Variants in DSCAM observed in about 807,000 individuals in gnomAD.
DSCAM encodes the protein DS cell adhesion molecule.
DSCAM carries 47 observed loss-of-function variants against 217.7 expected under a neutral mutation model. The observed-to-expected ratio is 0.22, with a 90% CI of 0.17 to 0.28. DSCAM has a LOEUF of 0.28. Ranked by LOEUF, DSCAM falls within the 10% of genes least tolerant of loss-of-function variation. The pLI, the probability that DSCAM is intolerant of heterozygous loss-of-function variation, is 1.00. For synonymous variants in DSCAM, 1,056 were observed against 1,015.3 expected (o/e 1.04, Z -0.76); for missense variants, 2,080 against 2,618.3 (o/e 0.79, Z 4.49).
chr21:40,374,977 C>T (rs1350635035), intron 3 of DSCAM, among the ~76,000 whole-genome samples: 2 of 152,172 alleles, frequency 1.3e-5, no homozygotes, highest in Non-Finnish European at 2.9e-5. Flanking sequence ...GTCTTTTCCA[C>T]AGTAGAAATG....
intron 8 of DSCAM, among the ~76,000 whole-genome samples, chr21:40,330,274 T>C (rs1047655317): frequency 2.0e-5 from 3 of 147,644 alleles, no homozygotes; most frequent in Non-Finnish European, 4.5e-5. Context: ...TATATCAAAA[T>C]ATATTTATTA....
chr21:40,084,050 C>T, intron 23 of DSCAM, 44 bp from the exon 24 acceptor site: 2 of 1,499,608 alleles, frequency 1.3e-6, no homozygotes, highest in South Asian at 1.2e-5. Flanking sequence ...TAGTTTTTCA[C>T]ATCTTTAACT....
Position 40,553,675 on chromosome 21 carries a change from A to T in DSCAM, c.508+139135T>A, listed in dbSNP as rs541219512. Among the ~76,000 whole-genome samples, 18 of 152,334 alleles carry T rather than the reference A, an allele frequency of 1.2e-4. No homozygotes were observed. The South Asian group carries it at 3.7e-3, about 32-fold the overall frequency. On this transcript the variant is annotated intron_variant, in intron 3 of 32. Transcript: ENST00000400454. ...ATGCTTCTCACTCTTCATTCCCAAG[A>T]TAACACATCCGTTTGCACCCAAAAG...
chr21:40,384,267 G>A (rs1020828835), intron 3 of DSCAM: 3 of 152,386 alleles, frequency 2.0e-5, no homozygotes, highest in African/African-American at 7.2e-5. Context: ...TTAAAACAGA[G>A]AATGCTGAGA....
intron 8 of DSCAM, among the ~76,000 whole-genome samples, chr21:40,333,854 C>A (rs960721234): frequency 2.0e-5 from 3 of 152,124 alleles, no homozygotes; most frequent in Admixed American, 6.5e-5. Flanking sequence ...CACACCTAGG[C>A]CTCCCAAGTA....
chr21:40,577,773 A>C (rs1302068552), intron 3 of DSCAM, among the ~76,000 whole-genome samples: 2 of 152,208 alleles, frequency 1.3e-5, no homozygotes, highest in Admixed American at 1.3e-4. Context: ...ATTACAGGAA[A>C]GTAAACAGTT....
At chr21:40,381,433 C>A (rs1182027528) in intron 3 of DSCAM, among the ~76,000 whole-genome samples, 1 of 152,156 alleles carries the variant, frequency 6.6e-6, no homozygotes, top group East Asian at 1.9e-4. Context: ...ATGTGTATTT[C>A]AGGTTGACTG....
At chr21:40,800,956 C>A (rs2091734897) in intron 1 of DSCAM, among the ~76,000 whole-genome samples, 1 of 127,758 alleles carries the variant, frequency 7.8e-6, no homozygotes, top group Non-Finnish European at 1.8e-5. Context: ...TTCTTTCTTT[C>A]TTCTCCTTTT....
chr21:40,196,345 T>C (rs762745045), intron 11 of DSCAM, among the ~76,000 whole-genome samples: 1 of 152,110 alleles, frequency 6.6e-6, no homozygotes, highest in Non-Finnish European at 1.5e-5. Flanking sequence ...AGGAGCTGAA[T>C]GGGATCACGG....
chr21:40,165,187 C>T (rs914787353), intron 16 of DSCAM, among the ~76,000 whole-genome samples: 1 of 152,182 alleles, frequency 6.6e-6, no homozygotes, highest in African/African-American at 2.4e-5. Flanking sequence ...TTTCTTTCTC[C>T]TTACACAAAA....
At chr21:40,210,864 C>G (rs1055574540) in intron 11 of DSCAM, among the ~76,000 whole-genome samples, 1 of 152,254 alleles carries the variant, frequency 6.6e-6, no homozygotes, top group South Asian at 2.1e-4. Flanking sequence ...ATTTTTAACC[C>G]ACATTCATTT....
chr21:40,523,719 T>G (rs1187721323), intron 3 of DSCAM, among the ~76,000 whole-genome samples: 1 of 152,188 alleles, frequency 6.6e-6, no homozygotes, highest in African/African-American at 2.4e-5. Flanking sequence ...TCTGTCTTTG[T>G]GATAAGGCAG....
intron 3 of DSCAM, among the ~76,000 whole-genome samples, chr21:40,414,228 T>A (rs1315722080): frequency 1.3e-5 from 2 of 152,150 alleles, no homozygotes; most frequent in Non-Finnish European, 2.9e-5. Flanking sequence ...ACAAAACATA[T>A]ATATGATAAG....
At chr21:40,426,065 T>C (rs906584210) in intron 3 of DSCAM, among the ~76,000 whole-genome samples, 1 of 152,192 alleles carries the variant, frequency 6.6e-6, no homozygotes, top group African/African-American at 2.4e-5. Context: ...TGAACACACA[T>C]GGATTGGGGT....
At chr21:40,279,381 T>C (rs2073729769) in intron 10 of DSCAM, among the ~76,000 whole-genome samples, 1 of 152,114 alleles carries the variant, frequency 6.6e-6, no homozygotes, top group South Asian at 2.1e-4. Flanking sequence ...AAAAAGCTCA[T>C]CATCACTTGT....
chr21:40,075,922 A>C (rs1465311071), intron 26 of DSCAM, among the ~76,000 whole-genome samples: 1 of 152,200 alleles, frequency 6.6e-6, no homozygotes, highest in African/African-American at 2.4e-5. Context: ...GCTGCCTTCT[A>C]TCCAGATGCT....
At chr21:40,713,826 T>C (rs1288181530) in intron 1 of DSCAM, among the ~76,000 whole-genome samples, 2 of 152,084 alleles carry the variant, frequency 1.3e-5, no homozygotes, top group East Asian at 1.9e-4. Flanking sequence ...GGGAGCAGAA[T>C]AGAGGCAGAA....
chr21:40,643,732 A>T lies in DSCAM; in HGVS notation c.508+49078T>A, dbSNP rs183630339. ...CCCTAATCCAATGACTGGTGTCCTC[A>T]TAAGAAGGTTGGCCACACACAGAGA... On this transcript the variant is annotated intron_variant, in intron 3 of 32. Transcript: ENST00000400454. Among the ~76,000 whole-genome samples the T allele has an allele frequency of 1.1e-3, 165 of 152,286 alleles. 4 individuals carry two copies. The highest frequency in any genetic ancestry group is 3.7e-3 in the African/African-American group (154 of 41,562).
intron 3 of DSCAM, among the ~76,000 whole-genome samples, chr21:40,505,558 A>G (rs1463560370): frequency 2.0e-5 from 3 of 152,222 alleles, no homozygotes; most frequent in Non-Finnish European, 4.4e-5. Context: ...AATTTCAGAC[A>G]TATCTCTAAA....
Sources: allele counts gnomAD v4.1 joint callset (sites outside exome capture counted in the v4.1 genomes callset), GRCh38; gene constraint gnomAD v4.1.1; transcripts MANE v1.5; gene names NCBI Gene and HGNC (gene_info 2026-07-23, HGNC 2026-07-21).